Variants in COP1 observed in about 807,000 individuals in gnomAD.
COP1 encodes COP1 E3 ubiquitin ligase.
In COP1, 24 loss-of-function variants were observed where a neutral mutation model predicts 101.3. That is an observed-to-expected ratio of 0.24 (90% CI 0.17 to 0.33). The LOEUF (loss-of-function observed/expected upper bound fraction) is 0.33, where lower values mean the gene tolerates loss of function less well. Among genes scored for constraint, COP1 ranks in the 10% least tolerant of loss-of-function variants. The pLI, the probability that COP1 is intolerant of heterozygous loss-of-function variation, is 1.00. For missense variants in COP1, 663 were observed against 906.2 expected (o/e 0.73, Z 3.45); for synonymous variants, 347 against 341.9 (o/e 1.01, Z -0.17).
At chr1:176,135,381 TA>T (rs1198345309) in intron 7 of COP1, among the ~76,000 whole-genome samples, 1 of 152,030 alleles carries the variant, frequency 6.6e-6, no homozygotes, top group Non-Finnish European at 1.5e-5. Context: ...TAAATGTAAA[TA>T]TTTTAAATGA....
intron 18 of COP1, among the ~76,000 whole-genome samples, chr1:175,954,582 T>C (rs1650377700): frequency 6.6e-6 from 1 of 152,018 alleles, no homozygotes; most frequent in Non-Finnish European, 1.5e-5. Flanking sequence ...CTATAGATAT[T>C]AAAAGAATAA....
chr1:175,955,047 A>G (rs1367992583), intron 18 of COP1, among the ~76,000 whole-genome samples: 2 of 152,126 alleles, frequency 1.3e-5, no homozygotes, highest in Non-Finnish European at 2.9e-5. Context: ...CAGGAGTGTG[A>G]GACCAGCCTG....
intron 15 of COP1, among the ~76,000 whole-genome samples, chr1:176,016,563 GTCTCTCTCTCTT>G (rs1557929398): frequency 6.6e-6 from 1 of 152,068 alleles, no homozygotes; most frequent in Non-Finnish European, 1.5e-5. Flanking sequence ...CTCCTTCTCT[GTCTCTCTCTCTT>G]TCCCTCCCTC....
At chr1:175,953,015 A>G (rs1263016469) in intron 18 of COP1, among the ~76,000 whole-genome samples, 4 of 152,254 alleles carry the variant, frequency 2.6e-5, no homozygotes, top group Admixed American at 6.5e-5. Flanking sequence ...TTAAAAGATA[A>G]TTTCCTATTT....
intron 8 of COP1, among the ~76,000 whole-genome samples, chr1:176,128,319 G>T (rs1440300271): frequency 6.6e-6 from 1 of 151,960 alleles, no homozygotes; most frequent in Non-Finnish European, 1.5e-5. Flanking sequence ...CAATTTTAAT[G>T]AGAAATTACA....
intron 14 of COP1, among the ~76,000 whole-genome samples, chr1:176,031,107 C>T (rs1327048168): frequency 6.6e-6 from 1 of 152,104 alleles, no homozygotes; most frequent in African/African-American, 2.4e-5. Flanking sequence ...GAGAGTGTGG[C>T]CCTGCCAACA....
At chr1:176,103,547 C>T (rs1190887352) in intron 9 of COP1, among the ~76,000 whole-genome samples, 1 of 152,146 alleles carries the variant, frequency 6.6e-6, no homozygotes, top group Non-Finnish European at 1.5e-5. Flanking sequence ...CAACTGAGCA[C>T]CCCTAATCTG....
chr1:176,060,173 T>C (rs1371925040), intron 11 of COP1, among the ~76,000 whole-genome samples: 1 of 152,204 alleles, frequency 6.6e-6, no homozygotes, highest in Non-Finnish European at 1.5e-5. Flanking sequence ...AACAACTACT[T>C]TAAAAAAATT....
chr1:176,176,106 C>T, intron 2 of COP1, 99 bp from the exon 3 acceptor site: 1 of 627,954 alleles, frequency 1.6e-6, no homozygotes. Flanking sequence ...TCCTCATTTT[C>T]AACATAACTA....
intron 2 of COP1, 80 bp downstream of exon 2, chr1:176,184,553 C>A: frequency 2.5e-6 from 3 of 1,193,464 alleles, no homozygotes; most frequent in South Asian, 1.4e-5. Context: ...TGGTTTAAAA[C>A]ACGTAACTTC....
intron 5 of COP1, among the ~76,000 whole-genome samples, chr1:176,153,297 A>C (rs930498481): frequency 1.3e-5 from 2 of 152,302 alleles, no homozygotes; most frequent in African/African-American, 4.8e-5. Context: ...CTGGAATAAC[A>C]AAATAAGGCA....
chr1:176,069,383 C>G (rs1405197537), intron 11 of COP1, among the ~76,000 whole-genome samples: 1 of 152,084 alleles, frequency 6.6e-6, no homozygotes, highest in Non-Finnish European at 1.5e-5. Flanking sequence ...AAACTAGAAG[C>G]CATCACCTCA....
chr1:176,174,576 G>A (rs941612947), intron 3 of COP1, among the ~76,000 whole-genome samples: 2 of 151,982 alleles, frequency 1.3e-5, no homozygotes, highest in Non-Finnish European at 2.9e-5. Context: ...AAAAATTACA[G>A]TGAAGAGTAA....
rs1558240686 is a variant in COP1 at position 176,165,386 on chromosome 1, GT to G, written c.566-1496del. ...CGTGTGTGTGTGTGTGTGTGTGTGTGTGTGTGTGTGTGTGTGTGTGTAGGAG... is the reference window on the plus strand; with the variant it reads ...CGTGTGTGTGTGTGTGTGTGTGTGTGGTGTGTGTGTGTGTGTGTGTAGGAG... On this transcript the variant is annotated intron_variant, in intron 3 of 19. Coordinates refer to ENST00000367669, the MANE Select transcript of COP1 (RefSeq NM_022457.7). Among the ~76,000 whole-genome samples, 468 of 150,614 alleles carry G rather than the reference GT, an allele frequency of 3.1e-3. 3 individuals carry two copies. Among genetic ancestry groups the G allele is most frequent in the African/African-American group, 0.01 (410 of 40,982 alleles).
intron 18 of COP1, among the ~76,000 whole-genome samples, chr1:175,953,414 A>C (rs1650203296): frequency 6.6e-6 from 1 of 152,132 alleles, no homozygotes; most frequent in South Asian, 2.1e-4. Context: ...AAAGGCAGAG[A>C]TTATAAGACT....
intron 8 of COP1, among the ~76,000 whole-genome samples, chr1:176,128,778 TA>T (rs919894904): frequency 6.6e-6 from 1 of 151,658 alleles, no homozygotes; most frequent in African/African-American, 2.4e-5. Context: ...TTTCCTGCAT[TA>T]AAAAAAATTT....
At chr1:175,987,811 T>G (rs900467318) in intron 17 of COP1, among the ~76,000 whole-genome samples, 2 of 152,200 alleles carry the variant, frequency 1.3e-5, no homozygotes, top group Non-Finnish European at 2.9e-5. Context: ...ATTTTTCTAT[T>G]TCTTATTTAA....
rs10694480 is a variant in COP1 at position 175,976,270 on chromosome 1, CTT to C, written c.2133+10671_2133+10672del. Among the ~76,000 whole-genome samples the C allele has an allele frequency of 9.7e-4, 55 of 56,850 alleles. 1 individual carries two copies. The highest frequency in any genetic ancestry group is 2.8e-3 in the African/African-American group (38 of 13,512). 37.3% of individuals were successfully genotyped at this position (56,850 alleles called of 152,430 possible). The stretch of plus-strand genomic sequence containing the variant: ...TAAGTCTCTATATCAATTAGTCATT[CTT>C]TTTTTTTTTTTTTTTTTTTTTTTTA... On this transcript the variant is annotated intron_variant, in intron 18 of 19. Transcript: ENST00000367669.
intron 5 of COP1, among the ~76,000 whole-genome samples, chr1:176,159,120 T>C (rs558169813): frequency 6.6e-6 from 1 of 152,346 alleles, no homozygotes; most frequent in East Asian, 1.9e-4. Context: ...CCAACTATAA[T>C]GGAATTCAAC....
Sources: allele counts gnomAD v4.1 joint callset (sites outside exome capture counted in the v4.1 genomes callset), GRCh38; gene constraint gnomAD v4.1.1; transcripts MANE v1.5; gene names NCBI Gene and HGNC (gene_info 2026-07-23, HGNC 2026-07-21).